Variants in NRF1 observed in about 807,000 individuals in gnomAD.
The protein encoded by NRF1 is alpha palindromic-binding protein.
Under a neutral mutation model 58.5 loss-of-function variants are expected in NRF1, and 5 were observed. That is an observed-to-expected ratio of 0.09 (90% CI 0.04 to 0.18). The LOEUF is 0.18. Among genes scored for constraint, NRF1 ranks in the 10% least tolerant of loss-of-function variants. The probability of loss-of-function intolerance (pLI) is 1.00; values close to 1 mark genes in which losing one functional copy is unlikely to be tolerated. For synonymous variants in NRF1, 224 were observed against 246.7 expected (o/e 0.91, Z 0.86); for missense variants, 288 against 657.7 (o/e 0.44, Z 6.15).
chr7:129,719,540 AC>A (rs1310655343), intron 9 of NRF1, among the ~76,000 whole-genome samples: 2 of 133,506 alleles, frequency 1.5e-5, no homozygotes, highest in Admixed American at 7.7e-5. Flanking sequence ...ACACACACAC[AC>A]ACAACACATC....
chr7:129,699,187 A>G (rs1404513840), intron 5 of NRF1, among the ~76,000 whole-genome samples: 1 of 152,264 alleles, frequency 6.6e-6, no homozygotes, highest in Non-Finnish European at 1.5e-5. Flanking sequence ...TGAAATGTTC[A>G]GCAGAGTGGT....
At chr7:129,638,193 T>TC (rs925874799) in intron 1 of NRF1, among the ~76,000 whole-genome samples, 1 of 152,102 alleles carries the variant, frequency 6.6e-6, no homozygotes, top group Admixed American at 6.6e-5. Flanking sequence ...TGACTACAGA[T>TC]CAAGACCTGT....
intron 5 of NRF1, among the ~76,000 whole-genome samples, chr7:129,701,098 A>C (rs1049676664): frequency 2.6e-5 from 4 of 152,218 alleles, no homozygotes; most frequent in Non-Finnish European, 5.9e-5. Flanking sequence ...AAATATTTAC[A>C]TTTATATGAC....
intron 2 of NRF1, among the ~76,000 whole-genome samples, chr7:129,670,891 G>A (rs746220477): frequency 1.3e-5 from 2 of 152,280 alleles, no homozygotes; most frequent in African/African-American, 2.4e-5. Flanking sequence ...AGATGTAGAA[G>A]AAAATTTTTT....
chr7:129,623,865 A>G (rs556550764), intron 1 of NRF1, among the ~76,000 whole-genome samples: 145 of 152,224 alleles, frequency 9.5e-4, no homozygotes, highest in Non-Finnish European at 1.6e-3. Flanking sequence ...TTTAGAATGT[A>G]TGCTTCACAA....
intron 9 of NRF1, among the ~76,000 whole-genome samples, chr7:129,725,585 C>T (rs1803434132): frequency 6.6e-6 from 1 of 152,108 alleles, no homozygotes; most frequent in African/African-American, 2.4e-5. Context: ...CCTTGGCCTC[C>T]CAAAGAGCTA....
At chr7:129,619,396 G>GTATATATATATATATA (rs749333673) in intron 1 of NRF1, among the ~76,000 whole-genome samples, 13 of 47,362 alleles carry the variant, frequency 2.7e-4, no homozygotes, top group Admixed American at 3.5e-4. Flanking sequence ...TGGCATACGT[G>GTATATATATATATATA]TATATATATA....
At chr7:129,704,751 T>C (rs560513077) in intron 5 of NRF1, among the ~76,000 whole-genome samples, 1 of 152,304 alleles carries the variant, frequency 6.6e-6, no homozygotes, top group African/African-American at 2.4e-5. Flanking sequence ...GTGCATGAAA[T>C]AAAGTTTTGA....
chr7:129,744,021 C>T (rs538845991), intron 10 of NRF1, among the ~76,000 whole-genome samples: 1 of 152,264 alleles, frequency 6.6e-6, no homozygotes, highest in South Asian at 2.1e-4. Flanking sequence ...GGCATGCTTG[C>T]CGAAGGCTTT....
intron 10 of NRF1, among the ~76,000 whole-genome samples, chr7:129,753,023 A>T (rs1055013277): frequency 3.0e-4 from 46 of 152,358 alleles, no homozygotes; most frequent in Admixed American, 2.1e-3. Flanking sequence ...GTCTCATTTC[A>T]TGAAGTCTCA....
At chr7:129,613,877 C>T (rs1169296005) in intron 1 of NRF1, among the ~76,000 whole-genome samples, 1 of 152,008 alleles carries the variant, frequency 6.6e-6, no homozygotes, top group Admixed American at 6.5e-5. Context: ...ATGGAGATCG[C>T]GCCATTGCAC....
chr7:129,620,011 T>G (rs1453281583), intron 1 of NRF1, among the ~76,000 whole-genome samples: 2 of 152,160 alleles, frequency 1.3e-5, no homozygotes, highest in Non-Finnish European at 2.9e-5. Context: ...ACAACATTTA[T>G]GAGATTTTTC....
chr7:129,642,885 C>T (rs1305730429), intron 1 of NRF1, among the ~76,000 whole-genome samples: 2 of 151,578 alleles, frequency 1.3e-5, no homozygotes, highest in Non-Finnish European at 2.9e-5. Context: ...CTTAGCCTCC[C>T]AAGTAGCTGG....
intron 10 of NRF1, among the ~76,000 whole-genome samples, chr7:129,731,713 C>T (rs1315617598): frequency 6.6e-6 from 1 of 152,102 alleles, no homozygotes; most frequent in East Asian, 1.9e-4. Context: ...TAAAGCTATC[C>T]TCCCACCTCA....
chr7:129,640,507 C>G (rs1281749554), intron 1 of NRF1, among the ~76,000 whole-genome samples: 1 of 152,084 alleles, frequency 6.6e-6, no homozygotes, highest in Non-Finnish European at 1.5e-5. Flanking sequence ...GAGACCCTGT[C>G]TCTTAAAAGA....
intron 9 of NRF1, among the ~76,000 whole-genome samples, chr7:129,719,636 TC>T (rs1803274285): frequency 6.6e-6 from 1 of 151,814 alleles, no homozygotes; most frequent in Non-Finnish European, 1.5e-5. Flanking sequence ...GCTCTTCATT[TC>T]TTTTTTTCCC....
intron 5 of NRF1, among the ~76,000 whole-genome samples, chr7:129,700,386 A>G (rs6956416): frequency 0.032 from 4,837 of 152,216 alleles, 240 homozygotes; most frequent in African/African-American, 0.11. Context: ...CTCCAGACCA[A>G]TTAAGTCATA....
intron 1 of NRF1, among the ~76,000 whole-genome samples, chr7:129,621,728 T>G (rs1040929923): frequency 6.6e-6 from 1 of 152,084 alleles, no homozygotes; most frequent in African/African-American, 2.4e-5. Flanking sequence ...GTGTTAAAAT[T>G]GTTGTCTTCT....
chr7:129,640,445 G>C (rs973453296), intron 1 of NRF1, among the ~76,000 whole-genome samples: 4 of 152,078 alleles, frequency 2.6e-5, no homozygotes, highest in African/African-American at 9.7e-5. Flanking sequence ...AGGAGGTCAA[G>C]GCTGCAGTGA....
Sources: gnomAD v4.1 joint callset for allele counts (sites outside exome capture counted in the v4.1 genomes callset) on GRCh38, gnomAD v4.1.1 for gene constraint, MANE v1.5 for transcripts, NCBI Gene and HGNC (gene_info 2026-07-23, HGNC 2026-07-21) for gene names.